The following POLA1 variants were observed in gnomAD, a reference collection of about 807,000 sequenced individuals.
The protein encoded by POLA1 is DNA polymerase alpha catalytic subunit.
In POLA1, 15 loss-of-function variants were observed where a neutral mutation model predicts 124.0. The ratio of observed to expected loss-of-function variants is 0.12; its 90% CI spans 0.08 to 0.19. POLA1 has a LOEUF of 0.19. POLA1 is among the 10% of genes least tolerant of loss of function. POLA1 has a pLI of 1.00. For synonymous variants in POLA1, 408 were observed against 389.4 expected (o/e 1.05, Z -0.56); for missense variants, 886 against 1,103.4 (o/e 0.80, Z 2.79).
chrX:24,992,584 A>G (rs1318669003), intron 36 of POLA1, among the ~76,000 whole-genome samples: 2 of 112,598 alleles, frequency 1.8e-5, no homozygotes, highest in Non-Finnish European at 3.7e-5. Flanking sequence ...AGCCTGCCTT[A>G]ATTAAAAGAA....
At chrX:24,851,557 A>T (rs1191898957) in intron 34 of POLA1, among the ~76,000 whole-genome samples, 1 of 113,438 alleles carries the variant, frequency 8.8e-6, no homozygotes, top group East Asian at 2.8e-4. Context: ...CCATCCAGCA[A>T]TGGACTAGTA....
intron 35 of POLA1, among the ~76,000 whole-genome samples, chrX:24,896,140 G>GC (rs1717952993): frequency 9.0e-6 from 1 of 111,583 alleles, no homozygotes; most frequent in African/African-American, 3.3e-5. Context: ...GGGCAGTTTT[G>GC]CCCCCCAGGG....
At position 24,727,086 on chromosome X, in the gene POLA1, A is replaced by G. The variant is rs201027028; in HGVS notation, c.1531+15A>G. The G allele has an allele frequency of 1.0e-5, 12 of 1,160,224 alleles. No individual in the cohort carries two copies. Among genetic ancestry groups the G allele is most frequent in the Non-Finnish European group, 1.4e-5 (12 of 858,485 alleles). On this transcript the variant is annotated intron_variant, in intron 14 of 36. Coordinates refer to ENST00000379068, the MANE Select transcript of POLA1 (RefSeq NM_001330360.2). ...AAAAAGTCCACGTAAGGAAAAATAC[A>G]TGCTCAGAATGCTGAATAGATTGCT... is the stretch of plus-strand genomic sequence containing the variant.
intron 1 of POLA1, among the ~76,000 whole-genome samples, chrX:24,698,113 T>C (rs762135936): frequency 9.1e-6 from 1 of 110,266 alleles, no homozygotes; most frequent in Non-Finnish European, 1.9e-5. Flanking sequence ...AGCTAATTTT[T>C]GTATTTTTAG....
intron 34 of POLA1, among the ~76,000 whole-genome samples, chrX:24,883,740 A>T: frequency 8.9e-6 from 1 of 112,016 alleles, no homozygotes; most frequent in Non-Finnish European, 1.9e-5. Context: ...AAATTTATTG[A>T]CCTTATTGCT....
chrX:24,863,351 C>CT (rs2046747024), intron 34 of POLA1, among the ~76,000 whole-genome samples: 2 of 109,660 alleles, frequency 1.8e-5, no homozygotes, highest in Admixed American at 9.7e-5. Flanking sequence ...TCAAAGCAGG[C>CT]TTTTTTCCCC....
intron 34 of POLA1, among the ~76,000 whole-genome samples, chrX:24,875,282 G>A (rs1407630488): frequency 9.0e-6 from 1 of 111,579 alleles, no homozygotes; most frequent in Non-Finnish European, 1.9e-5. Context: ...GTTCAAGTGT[G>A]ATGGGGATTT....
rs544401575 is a variant in POLA1, at chrX:24,802,263, G to A, written c.2965-7635G>A. On this transcript the variant is annotated intron_variant, in intron 26 of 36. Transcript: ENST00000379068. ...GTGTTTGACCAAATATCTGGGTACC[G>A]TGACTTAGCCAAGTTGACACATAAA... is the stretch of plus-strand genomic sequence containing the variant. Among the ~76,000 whole-genome samples the A allele has an allele frequency of 9.9e-5, 11 of 111,406 alleles. No homozygotes were observed. In the South Asian group the frequency reaches 4.2e-3, roughly 42 times the overall value.
intron 26 of POLA1, among the ~76,000 whole-genome samples, chrX:24,793,791 G>GCCAGGCTGGTGTTGAACT (rs1241787109): frequency 9.1e-6 from 1 of 109,525 alleles, no homozygotes; most frequent in Non-Finnish European, 1.9e-5. Context: ...CACCATGTTG[G>GCCAGGCTGGTGTTGAACT]CCAGGCTGGT....
At chrX:24,888,925 A>C (rs1000169331) in intron 35 of POLA1, among the ~76,000 whole-genome samples, 3 of 109,662 alleles carry the variant, frequency 2.7e-5, no homozygotes, top group Non-Finnish European at 5.7e-5. Context: ...GCTGGAGTGC[A>C]GTGGCGGGAT....
At chrX:24,870,941 C>T (rs766373390) in intron 34 of POLA1, among the ~76,000 whole-genome samples, 1 of 111,648 alleles carries the variant, frequency 9.0e-6, no homozygotes, top group South Asian at 3.8e-4. Context: ...CTTTTCCTTA[C>T]GGTTCTTGCA....
chrX:24,741,142 TGTGTGCGCGC>T (rs1406345429), intron 20 of POLA1, among the ~76,000 whole-genome samples: 2 of 84,146 alleles, frequency 2.4e-5, no homozygotes, highest in Non-Finnish European at 2.6e-5. Flanking sequence ...TGTGTGTGTG[TGTGTGCGCGC>T]GTGTGTGTGT....
intron 35 of POLA1, among the ~76,000 whole-genome samples, chrX:24,910,659 G>A (rs895568546): frequency 3.6e-5 from 4 of 111,457 alleles, no homozygotes; most frequent in South Asian, 3.8e-4. Flanking sequence ...AGCTAAAGAG[G>A]AATACTACAT....
intron 32 of POLA1, among the ~76,000 whole-genome samples, chrX:24,839,030 A>G (rs1190801179): frequency 8.9e-6 from 1 of 112,230 alleles, no homozygotes; most frequent in Non-Finnish European, 1.9e-5. Context: ...TCCAGCAGCA[A>G]TGATCCTTAC....
chrX:24,850,938 C>G (rs1490462333), intron 34 of POLA1, among the ~76,000 whole-genome samples: 1 of 111,827 alleles, frequency 8.9e-6, no homozygotes, highest in Non-Finnish European at 1.9e-5. Context: ...GGGCCAGGGC[C>G]GTGATGCCCA....
intron 36 of POLA1, among the ~76,000 whole-genome samples, chrX:24,934,973 G>A (rs968124822): frequency 1.8e-5 from 2 of 111,211 alleles, no homozygotes; most frequent in South Asian, 3.8e-4. Context: ...CAGTCGCCTC[G>A]GCCTCCCAAA....
chrX:24,725,437 A>G (rs1930483716), intron 12 of POLA1, among the ~76,000 whole-genome samples: 1 of 110,427 alleles, frequency 9.1e-6, no homozygotes, highest in Non-Finnish European at 1.9e-5. Flanking sequence ...ACCTCAAGTG[A>G]TCCGCCCGCC....
chrX:24,987,280 T>C (rs2048490324), intron 36 of POLA1, among the ~76,000 whole-genome samples: 1 of 111,793 alleles, frequency 8.9e-6, no homozygotes, highest in Admixed American at 9.5e-5. Context: ...GACACCTTGA[T>C]TGTAGCCTTG....
chrX:24,987,884 G>A (rs2048496311), intron 36 of POLA1, among the ~76,000 whole-genome samples: 1 of 111,674 alleles, frequency 9.0e-6, no homozygotes, highest in African/African-American at 3.3e-5. Context: ...GGAATGGTAA[G>A]GGCCCCACCA....
Sources: allele counts gnomAD v4.1 joint callset (sites outside exome capture counted in the v4.1 genomes callset), GRCh38; gene constraint gnomAD v4.1.1; transcripts MANE v1.5; gene names NCBI Gene and HGNC (gene_info 2026-07-23, HGNC 2026-07-21).